Variants in NTAQ1 observed in about 807,000 individuals in gnomAD.
NTAQ1 encodes the protein N-terminal glutamine amidase 1, also known as protein N-terminal glutamine amidohydrolase.
Under a neutral mutation model 28.2 loss-of-function variants are expected in NTAQ1, and 21 were observed. That is an observed-to-expected ratio of 0.74 (90% CI 0.53 to 1.07). NTAQ1 has a LOEUF of 1.07. Ranked by LOEUF, NTAQ1 falls within the 50% of genes least tolerant of loss-of-function variation. The probability of loss-of-function intolerance (pLI) is 0.00; values close to 1 mark genes in which losing one functional copy is unlikely to be tolerated. For missense variants in NTAQ1, 264 were observed against 256.6 expected (o/e 1.03, Z -0.20); for synonymous variants, 105 against 90.0 (o/e 1.17, Z -0.94).
chr8:123,416,926 G>A lies in NTAQ1; in HGVS notation c.77G>A (p.Cys26Tyr). The change falls in exon 1 of 6, where the codon TGC becomes TAC. Residue 26 changes from cysteine (C) to tyrosine (Y), a missense_variant. Coordinates refer to ENST00000287387, the MANE Select transcript of NTAQ1 (RefSeq NM_018024.3). ...PPRDACVYSSCYCEENIWKLC... is the reference protein window; with the variant it reads ...PPRDACVYSSYYCEENIWKLC... ...CGGGACGCCTGCGTCTACAGCAGCT[G>A]CTACTGGTGAGGGGGCGCGGGCGCA... 1 of 1,504,252 alleles carries A rather than the reference G, an allele frequency of 6.6e-7. No homozygotes were observed. The highest frequency in any genetic ancestry group is 8.9e-7 in the Non-Finnish European group (1 of 1,126,104). 93.2% of individuals were successfully genotyped at this position (1,504,252 alleles called of 1,614,324 possible).
At chr8:123,421,124 C>T (rs1040641041) in intron 1 of NTAQ1, among the ~76,000 whole-genome samples, 1 of 143,372 alleles carries the variant, frequency 7.0e-6, no homozygotes, top group Non-Finnish European at 1.5e-5. Flanking sequence ...CACTCTGTCA[C>T]CCAGGCTGGA....
downstream of NTAQ1, among the ~76,000 whole-genome samples, chr8:123,452,064 A>G (rs1009087326): frequency 3.3e-5 from 5 of 152,228 alleles, no homozygotes; most frequent in Non-Finnish European, 7.3e-5. Context: ...GTTCTCTCAC[A>G]TTCTTGGCAG....
At chr8:123,469,034 T>C (rs1435511122) in exon 7 of NTAQ1, among the ~76,000 whole-genome samples, 1 of 152,252 alleles carries the variant, frequency 6.6e-6, no homozygotes, top group African/African-American at 2.4e-5. Flanking sequence ...GAGACATGTC[T>C]GTTCAAGTAC....
intron 1 of NTAQ1, among the ~76,000 whole-genome samples, chr8:123,423,204 TTCCC>T (rs1046373372): frequency 1.3e-5 from 2 of 151,778 alleles, no homozygotes; most frequent in African/African-American, 4.8e-5. Context: ...CTTCCTTCCT[TTCCC>T]TCCCTCCCTT....
Position 123,416,776 on chromosome 8 carries a change from T to G in NTAQ1, c.-74T>G. ...CACGCCGGGAACCCACGCGGGCCACTACAAGCCCGCCCTTTCCTACGTCTG... is the reference window on the plus strand; with the variant it reads ...CACGCCGGGAACCCACGCGGGCCACGACAAGCCCGCCCTTTCCTACGTCTG... On this transcript the variant is annotated 5_prime_UTR_variant, in exon 1 of 6. Coordinates refer to ENST00000287387, the MANE Select transcript of NTAQ1 (RefSeq NM_018024.3). 7.2e-7 allele frequency: 1 copy of G among 1,396,842 alleles called. No individual in the cohort carries two copies. Among genetic ancestry groups the G allele is most frequent in the Non-Finnish European group, 9.4e-7 (1 of 1,061,878 alleles). The allele number at this position is 1,396,842 out of a possible 1,614,324, so 86.5% of individuals were successfully genotyped here.
chr8:123,425,470 A>AC (rs1265298879), intron 1 of NTAQ1, among the ~76,000 whole-genome samples: 118 of 141,120 alleles, frequency 8.4e-4, no homozygotes, highest in African/African-American at 2.6e-3. Flanking sequence ...CCACCCCCCC[A>AC]CTTTTTTTTT....
chr8:123,453,305 C>A (rs1341979532), intron 6 of NTAQ1, among the ~76,000 whole-genome samples: 1 of 152,202 alleles, frequency 6.6e-6, no homozygotes, highest in Non-Finnish European at 1.5e-5. Flanking sequence ...GGGAAAGTCA[C>A]TTAACCTCTC....
At chr8:123,442,596 GAAA>G (rs80278009), downstream of NTAQ1, among the ~76,000 whole-genome samples, 15 of 124,978 alleles carry the variant, frequency 1.2e-4, no homozygotes, top group Non-Finnish European at 1.0e-4. Flanking sequence ...CTCCATCTCA[GAAA>G]AAAAAAAAAA....
In NTAQ1 at chr8:123,436,459, C is replaced by G. The variant is rs1217249977; in HGVS notation, c.241C>G (p.His81Asp). The G allele has an allele frequency of 1.2e-6, 2 of 1,611,754 alleles. No individual in the cohort carries two copies. Among genetic ancestry groups the G allele is most frequent in the East Asian group, 2.2e-5 (1 of 44,854 alleles). ...CAGCAACTTTTACTTTTAGGATTACCATGTTGTTTTGCTTCATGTTTCAAG... is the reference window on the plus strand; with the variant it reads ...CAGCAACTTTTACTTTTAGGATTACGATGTTGTTTTGCTTCATGTTTCAAG... ...PGDGPVIWDY[H>D]VVLLHVSSGG... The change falls in exon 4 of 6, where the codon CAT (histidine) becomes GAT (aspartate). Residue 81 changes from histidine (H) to aspartate (D), a missense_variant. By Grantham distance (81) the His-to-Asp change is moderately conservative. Transcript: ENST00000287387.
downstream of NTAQ1, among the ~76,000 whole-genome samples, chr8:123,446,428 C>G (rs186747760): frequency 5.7e-4 from 87 of 152,312 alleles, no homozygotes; most frequent in East Asian, 0.014. Flanking sequence ...CCTTTGTAGC[C>G]GAAAACAGCA....
rs977205081 is a variant in NTAQ1 at position 123,465,203 on chromosome 8, G to A, written c.373-1876G>A. Among the ~76,000 whole-genome samples, 8 of 152,098 alleles carry A rather than the reference G, an allele frequency of 5.3e-5. No homozygotes were observed. The East Asian group carries it at 5.8e-4, about 11-fold the overall frequency. On this transcript the variant is annotated intron_variant, in intron 6 of 6. Transcript: ENST00000650311. ...TCCCCATTGATAATGTAGAACCACCGTACATTTTCAAAACTAGGAAATTGA... is the reference window on the plus strand; with the variant it reads ...TCCCCATTGATAATGTAGAACCACCATACATTTTCAAAACTAGGAAATTGA...
intron 3 of NTAQ1, among the ~76,000 whole-genome samples, chr8:123,431,203 G>T (rs1342225787): frequency 6.6e-6 from 1 of 152,066 alleles, no homozygotes; most frequent in Admixed American, 6.6e-5. Context: ...TGGGTGTGAT[G>T]GCGTGTGCCT....
At chr8:123,449,016 C>T (rs3824254), downstream of NTAQ1, among the ~76,000 whole-genome samples, 46,128 of 152,046 alleles carry the variant, frequency 0.3, 7,483 homozygotes, top group South Asian at 0.45. Context: ...AGATGTGCCA[C>T]GGTGCACCCT....
chr8:123,451,393 C>T (rs981164217), downstream of NTAQ1, among the ~76,000 whole-genome samples: 1 of 152,170 alleles, frequency 6.6e-6, no homozygotes, highest in African/African-American at 2.4e-5. Context: ...GGCTGGGGTG[C>T]AGTGGCGTGA....
chr8:123,429,708 C>T (rs6981304), intron 2 of NTAQ1, among the ~76,000 whole-genome samples: 108,567 of 151,716 alleles, frequency 0.72, 39,156 homozygotes, highest in East Asian at 0.93. Context: ...CAAAACCCTT[C>T]ATCAAAAAAT....
At chr8:123,427,385 C>T (rs773306201) in intron 1 of NTAQ1, among the ~76,000 whole-genome samples, 10 of 151,090 alleles carry the variant, frequency 6.6e-5, no homozygotes, top group South Asian at 2.1e-4. Context: ...CCCAAGTAGC[C>T]GGGATTACAG....
intron 1 of NTAQ1, among the ~76,000 whole-genome samples, chr8:123,422,704 A>G (rs1813782484): frequency 6.6e-6 from 1 of 150,388 alleles, no homozygotes; most frequent in Non-Finnish European, 1.5e-5. Context: ...AGTCTTCATC[A>G]TGAAATCTTT....
intron 1 of NTAQ1, among the ~76,000 whole-genome samples, chr8:123,423,941 C>T (rs566629642): frequency 1.5e-4 from 23 of 151,284 alleles, no homozygotes; most frequent in Non-Finnish European, 2.5e-4. Context: ...GAGGAGCAGT[C>T]GTGCAATCTT....
At chr8:123,440,681 G>A (rs1262478589) in intron 5 of NTAQ1, among the ~76,000 whole-genome samples, 1 of 151,592 alleles carries the variant, frequency 6.6e-6, no homozygotes, top group East Asian at 1.9e-4. Context: ...TGTATTTTTA[G>A]TAGAGATGGG....
Sources: gnomAD v4.1 joint callset for allele counts (sites outside exome capture counted in the v4.1 genomes callset) on GRCh38, gnomAD v4.1.1 for gene constraint, MANE v1.5 for transcripts, NCBI Gene and HGNC (gene_info 2026-07-23, HGNC 2026-07-21) for gene names.